LRRTM4: variants seen among roughly 807,000 people sequenced by gnomAD.
LRRTM4 encodes the protein leucine rich repeat transmembrane neuronal 4.
Under a neutral mutation model 47.6 loss-of-function variants are expected in LRRTM4, and 25 were observed. The ratio of observed to expected loss-of-function variants is 0.53; its 90% CI spans 0.38 to 0.73. LRRTM4 has a LOEUF of 0.73. LRRTM4 is among the 30% of genes least tolerant of loss of function. The probability of loss-of-function intolerance (pLI) is 0.00; values close to 1 mark genes in which losing one functional copy is unlikely to be tolerated. For missense variants in LRRTM4, 638 were observed against 713.4 expected (o/e 0.89, Z 1.20); for synonymous variants, 311 against 269.5 (o/e 1.15, Z -1.51).
chr2:77,333,080 C>T (rs1265580807), intron 3 of LRRTM4, among the ~76,000 whole-genome samples: 3 of 152,190 alleles, frequency 2.0e-5, no homozygotes, highest in Admixed American at 2.0e-4. Context: ...CTGTCATTTA[C>T]ATAAGATGTG....
intron 3 of LRRTM4, among the ~76,000 whole-genome samples, chr2:76,937,100 C>G (rs1351424956): frequency 6.7e-6 from 1 of 149,910 alleles, no homozygotes; most frequent in Non-Finnish European, 1.5e-5. Context: ...GAAAGTTATA[C>G]AGAGATAGAA....
At chr2:77,081,291 CAT>C (rs1553383993) in intron 3 of LRRTM4, among the ~76,000 whole-genome samples, 5 of 146,626 alleles carry the variant, frequency 3.4e-5, no homozygotes, top group Admixed American at 2.7e-4. Context: ...CACACACACA[CAT>C]AAATTTGTTG....
intron 3 of LRRTM4, among the ~76,000 whole-genome samples, chr2:76,973,915 TTAAA>T (rs1676307807): frequency 6.6e-6 from 1 of 151,728 alleles, no homozygotes; most frequent in Admixed American, 6.6e-5. Context: ...TCAGCTTTTC[TTAAA>T]TAAAGGATCA....
chr2:77,521,178 T>G (rs914884062), intron 2 of LRRTM4, among the ~76,000 whole-genome samples: 1 of 151,922 alleles, frequency 6.6e-6, no homozygotes, highest in Non-Finnish European at 1.5e-5. Context: ...AAAATAAGAC[T>G]GGCAAATGAC....
At chr2:77,110,635 T>G (rs1671223851) in intron 3 of LRRTM4, among the ~76,000 whole-genome samples, 1 of 152,170 alleles carries the variant, frequency 6.6e-6, no homozygotes, top group South Asian at 2.1e-4. Context: ...GAAATATGTC[T>G]GACCCTTAAC....
At chr2:77,240,417 C>T (rs149960862) in intron 3 of LRRTM4, among the ~76,000 whole-genome samples, 1 of 151,820 alleles carries the variant, frequency 6.6e-6, no homozygotes, top group South Asian at 2.1e-4. Context: ...CCTCAGCAAG[C>T]TAGAAATGAA....
intron 3 of LRRTM4, among the ~76,000 whole-genome samples, chr2:76,840,586 C>T (rs892182115): frequency 6.6e-6 from 1 of 152,052 alleles, no homozygotes; most frequent in Middle Eastern, 3.4e-3. Context: ...CAAACGAAGT[C>T]AAAAAGACTT....
At chr2:77,129,531 AT>A (rs565437529) in intron 3 of LRRTM4, among the ~76,000 whole-genome samples, 1 of 152,168 alleles carries the variant, frequency 6.6e-6, no homozygotes, top group Non-Finnish European at 1.5e-5. Flanking sequence ...AATATGCTTC[AT>A]TTCATCCTCA....
rs755110129 is a variant in LRRTM4 at position 76,748,861 on chromosome 2, C to T, written c.1607G>A (p.Gly536Glu). Residue 536 changes from glycine to glutamate, a missense_variant, in exon 4 of 4, where the codon GGG (glycine) becomes GAG (glutamate). Gly to Glu is a moderately conservative substitution (Grantham distance 98). Transcript: ENST00000409884. Reference protein sequence around the residue: ...PYYSYDQPVIGYCQAHQPLHV... With the variant: ...PYYSYDQPVIEYCQAHQPLHV... ...GAGTGGCTGGTGGGCCTGGCAGTACCCGATCACAGGCTGGTCATAGCTGTA... is the reference window on the plus strand; with the variant it reads ...GAGTGGCTGGTGGGCCTGGCAGTACTCGATCACAGGCTGGTCATAGCTGTA... 6.2e-7 allele frequency: 1 copy of T among 1,613,818 alleles called. No individual in the cohort carries two copies. Among genetic ancestry groups the T allele is most frequent in the East Asian group, 2.2e-5 (1 of 44,878 alleles).
chr2:76,766,525 C>A (rs918573134), intron 3 of LRRTM4, among the ~76,000 whole-genome samples: 1 of 152,226 alleles, frequency 6.6e-6, no homozygotes, highest in Admixed American at 6.5e-5. Flanking sequence ...CTGCCCTTCT[C>A]TGCCCTGCAT....
intron 3 of LRRTM4, among the ~76,000 whole-genome samples, chr2:77,162,097 C>T (rs1425277830): frequency 6.6e-6 from 1 of 152,138 alleles, no homozygotes; most frequent in Non-Finnish European, 1.5e-5. Context: ...CAGGCGGTAC[C>T]TGGAAAATCA....
At chr2:76,794,126 A>C (rs1573114121) in intron 3 of LRRTM4, among the ~76,000 whole-genome samples, 1 of 152,206 alleles carries the variant, frequency 6.6e-6, no homozygotes, top group Admixed American at 6.5e-5. Flanking sequence ...ATTTGATTTT[A>C]TGGAATGATT....
At chr2:76,786,192 A>G (rs1674661008) in intron 3 of LRRTM4, among the ~76,000 whole-genome samples, 1 of 152,150 alleles carries the variant, frequency 6.6e-6, no homozygotes. Context: ...TTATAAAGAA[A>G]GTCTCTAGCC....
chr2:76,840,944 T>C (rs1671656974), intron 3 of LRRTM4, among the ~76,000 whole-genome samples: 1 of 151,718 alleles, frequency 6.6e-6, no homozygotes. Flanking sequence ...CAAAGGATTA[T>C]AAATCATGCT....
intron 3 of LRRTM4, among the ~76,000 whole-genome samples, chr2:77,158,021 ATGAT>A (rs1037648314): frequency 3.3e-5 from 5 of 152,192 alleles, no homozygotes; most frequent in Non-Finnish European, 7.3e-5. Flanking sequence ...GTCTGACTAA[ATGAT>A]TGTGTCTAGG....
chr2:76,840,808 T>C (rs944187651), intron 3 of LRRTM4, among the ~76,000 whole-genome samples: 4 of 152,078 alleles, frequency 2.6e-5, no homozygotes, highest in African/African-American at 4.8e-5. Flanking sequence ...GAAATAGGAA[T>C]ACTTTTACAC....
At chr2:77,121,111 G>T (rs189268689) in intron 3 of LRRTM4, among the ~76,000 whole-genome samples, 3 of 151,880 alleles carry the variant, frequency 2.0e-5, no homozygotes, top group East Asian at 1.9e-4. Context: ...CTAGATAAAA[G>T]AATTAGTTTT....
intron 3 of LRRTM4, among the ~76,000 whole-genome samples, chr2:76,903,545 C>T (rs1381766318): frequency 6.6e-6 from 1 of 151,662 alleles, no homozygotes; most frequent in African/African-American, 2.4e-5. Context: ...CAAAACAAAA[C>T]AAAACAAAAA....
Position 76,785,415 on chromosome 2 carries a change from G to A in LRRTM4, c.1552-36499C>T, listed in dbSNP as rs115494976. ...TACATGTATTTATTAAACTAGCTCA[G>A]GAGCACTTCCAGTAAAGGCACATTT... On this transcript the variant is annotated intron_variant, in intron 3 of 3. Coordinates refer to ENST00000409884, the MANE Select transcript of LRRTM4 (RefSeq NM_001134745.3). Among the ~76,000 whole-genome samples, 1,042 of 152,172 alleles carry A rather than the reference G, an allele frequency of 6.8e-3. 13 individuals are homozygous for A. The highest frequency in any genetic ancestry group is 0.024 in the African/African-American group (987 of 41,542).
Sources: gnomAD v4.1 joint callset for allele counts (sites outside exome capture counted in the v4.1 genomes callset) on GRCh38, gnomAD v4.1.1 for gene constraint, MANE v1.5 for transcripts, NCBI Gene and HGNC (gene_info 2026-07-23, HGNC 2026-07-21) for gene names.